Variants in PTPRK observed in about 807,000 individuals in gnomAD.
PTPRK encodes the protein receptor-type tyrosine-protein phosphatase kappa.
In PTPRK, 75 loss-of-function variants were observed where a neutral mutation model predicts 178.0. The observed-to-expected ratio is 0.42, with a 90% CI of 0.35 to 0.51. PTPRK has a LOEUF of 0.51. Ranked by LOEUF, PTPRK falls within the 20% of genes least tolerant of loss-of-function variation. The pLI is 0.02. For missense variants in PTPRK, 1,441 were observed against 1,797.8 expected, an observed-to-expected ratio of 0.80 and a Z score of 3.59; for synonymous variants, 637 against 620.6, an observed-to-expected ratio of 1.03 and a Z score of -0.39.
intron 7 of PTPRK, among the ~76,000 whole-genome samples, chr6:128,111,285 A>T (rs11965405): frequency 0.03 from 4,541 of 152,256 alleles, 225 homozygotes; most frequent in African/African-American, 0.1. Context: ...AGTTTGCCAA[A>T]AGTACTTTCC....
rs61756668 is a variant in PTPRK at position 128,083,813 on chromosome 6, C to T, written c.1477G>A (p.Val493Ile). 4.7e-3 allele frequency: 7,410 copies of T among 1,578,534 alleles called. 110 individuals carry two copies. Among genetic ancestry groups the T allele is most frequent in the South Asian group, 0.034 (2,897 of 85,704 alleles). Residue 493 changes from valine (V) to isoleucine (I), a missense_variant, in exon 9 of 30, where the codon GTA (valine) becomes ATA (isoleucine). Transcript: ENST00000368226. ...GTTCCTTGAAGAGATTTTACTGGTA[C>T]GGGACCAGGCACTACAAAACACATG... ...IQTDEDVPGP[V>I]PVKSLQGTSF...
intron 7 of PTPRK, among the ~76,000 whole-genome samples, chr6:128,160,024 A>G (rs1357348474): frequency 6.6e-6 from 1 of 151,704 alleles, no homozygotes; most frequent in Non-Finnish European, 1.5e-5. Context: ...TTATATCTTG[A>G]TATCTATATT....
chr6:128,014,398 T>A (rs1246388100), intron 13 of PTPRK, among the ~76,000 whole-genome samples: 1 of 151,616 alleles, frequency 6.6e-6, no homozygotes, highest in Non-Finnish European at 1.5e-5. Flanking sequence ...TGTTCTCTTA[T>A]CTGTTGTGTG....
rs147499921 is a variant in PTPRK, at chr6:127,976,935, G to A, written c.3831C>T (p.Val1277=). 825 of 1,613,866 alleles carry A rather than the reference G, an allele frequency of 5.1e-4. No individual in the cohort carries two copies. The highest frequency in any genetic ancestry group is 6.7e-4 in the Non-Finnish European group (791 of 1,179,996). The stretch of plus-strand genomic sequence containing the variant: ...CATAGCCATTAACCTGGGACAAGTC[G>A]ACTTCGTTTAACATCACAATGGAGG... The part of the protein sequence containing the change: ...GCTSIVMLNE[V]DLSQGCPQYW... Residue 1277 remains valine, a synonymous_variant, in exon 26 of 30, where the codon GTC becomes GTT. Transcript: ENST00000368226.
intron 8 of PTPRK, among the ~76,000 whole-genome samples, chr6:128,085,616 G>A (rs1043197652): frequency 3.9e-5 from 6 of 152,198 alleles, no homozygotes; most frequent in East Asian, 3.9e-4. Context: ...ATCGAACATC[G>A]TTCAATAATA....
intron 2 of PTPRK, among the ~76,000 whole-genome samples, chr6:128,385,308 C>A (rs1169813336): frequency 6.6e-6 from 1 of 151,976 alleles, no homozygotes; most frequent in Admixed American, 6.6e-5. Context: ...CAGGGATTCA[C>A]TTCCTTGCCT....
Position 128,191,692 on chromosome 6 carries a change from A to G in PTPRK, c.869-6967T>C, listed in dbSNP as rs182275940. On this transcript the variant is annotated intron_variant, in intron 6 of 29. Coordinates refer to ENST00000368226, the MANE Select transcript of PTPRK (RefSeq NM_002844.4). ...GTACAACTTAAATATATTCAATTTTATTTGTTAATCATAACTTAATAAATC... is the reference window on the plus strand; with the variant it reads ...GTACAACTTAAATATATTCAATTTTGTTTGTTAATCATAACTTAATAAATC... Among the ~76,000 whole-genome samples the G allele has an allele frequency of 2.5e-3, 384 of 151,978 alleles. 1 individual carries two copies. The highest frequency in any genetic ancestry group is 4.4e-3 in the Non-Finnish European group (298 of 68,006).
chr6:128,382,626 G>A (rs1324330733), intron 2 of PTPRK, among the ~76,000 whole-genome samples: 1 of 151,850 alleles, frequency 6.6e-6, no homozygotes, highest in East Asian at 1.9e-4. Context: ...TTTTAGTAGA[G>A]ACGGGGTTTT....
At chr6:128,396,800 C>A (rs1413932844) in intron 2 of PTPRK, among the ~76,000 whole-genome samples, 3 of 152,046 alleles carry the variant, frequency 2.0e-5, no homozygotes, top group African/African-American at 7.2e-5. Context: ...GAGTTCGAGA[C>A]CAGCCTGACC....
Position 128,384,563 on chromosome 6 carries a change from A to G in PTPRK, c.223+13003T>C, listed in dbSNP as rs532549235. ...TGGGTTGGACAAGCTTGATGTAAAT[A>G]AAACCACCAGTGGAAAGAGTTTGTT... is the stretch of plus-strand genomic sequence containing the variant. On this transcript the variant is annotated intron_variant, in intron 2 of 29. Coordinates refer to ENST00000368226, the MANE Select transcript of PTPRK (RefSeq NM_002844.4). Among the ~76,000 whole-genome samples the G allele has an allele frequency of 2.0e-5, 3 of 152,342 alleles. No individual in the cohort carries two copies. In the South Asian group the frequency reaches 6.2e-4, roughly 32 times the overall value.
At chr6:128,440,326 C>T (rs1052664917) in intron 1 of PTPRK, among the ~76,000 whole-genome samples, 9 of 152,146 alleles carry the variant, frequency 5.9e-5, no homozygotes, top group African/African-American at 1.9e-4. Context: ...GAGAGCTTGC[C>T]TCAGCTAAGG....
At chr6:128,194,957 A>C (rs1054610389) in intron 6 of PTPRK, among the ~76,000 whole-genome samples, 1 of 152,168 alleles carries the variant, frequency 6.6e-6, no homozygotes, top group African/African-American at 2.4e-5. Context: ...TTTAAAAAAA[A>C]CCTACTGCAA....
intron 13 of PTPRK, among the ~76,000 whole-genome samples, chr6:128,049,130 G>A (rs1425148940): frequency 6.6e-6 from 1 of 151,952 alleles, no homozygotes; most frequent in Non-Finnish European, 1.5e-5. Flanking sequence ...ACCTATATTA[G>A]AAATTTTTCC....
At chr6:128,130,233 A>G (rs1794007305) in intron 7 of PTPRK, among the ~76,000 whole-genome samples, 1 of 152,192 alleles carries the variant, frequency 6.6e-6, no homozygotes, top group South Asian at 2.1e-4. Flanking sequence ...ATTTCTTTAC[A>G]TAGCTAGAAT....
intron 7 of PTPRK, among the ~76,000 whole-genome samples, chr6:128,143,913 G>A (rs1796118326): frequency 6.6e-6 from 1 of 152,090 alleles, no homozygotes; most frequent in Non-Finnish European, 1.5e-5. Context: ...TAACTATAAT[G>A]ACTAGTTCAC....
rs564606198 is a variant in PTPRK at position 128,307,580 on chromosome 6, T to C, written c.495+14459A>G. Among the ~76,000 whole-genome samples the C allele has an allele frequency of 3.2e-3, 487 of 151,958 alleles. 5 individuals are homozygous for C. The highest frequency in any genetic ancestry group is 5.8e-3 in the Non-Finnish European group (396 of 67,956). On this transcript the variant is annotated intron_variant, in intron 3 of 29. Coordinates refer to ENST00000368226, the MANE Select transcript of PTPRK (RefSeq NM_002844.4). ...ACAAGCATGTATTATTGTCAAATGA[T>C]TACTATCTAGACCAGAAAAGAAGGC...
At chr6:128,180,740 A>C (rs1221701197) in intron 7 of PTPRK, among the ~76,000 whole-genome samples, 1 of 152,166 alleles carries the variant, frequency 6.6e-6, no homozygotes, top group Non-Finnish European at 1.5e-5. Flanking sequence ...CTTTCAATAA[A>C]TGTGAAGTTG....
At chr6:128,434,710 GAATA>G (rs1845281663) in intron 1 of PTPRK, among the ~76,000 whole-genome samples, 1 of 152,126 alleles carries the variant, frequency 6.6e-6, no homozygotes, top group South Asian at 2.1e-4. Context: ...GAATAAACTT[GAATA>G]AATAGAGCTA....
At chr6:128,040,039 G>T (rs570307500) in intron 13 of PTPRK, among the ~76,000 whole-genome samples, 1 of 152,128 alleles carries the variant, frequency 6.6e-6, no homozygotes, top group Non-Finnish European at 1.5e-5. Context: ...TGTTATCATC[G>T]CTAAGAAGTA....
Sources: gnomAD v4.1 joint callset for allele counts (sites outside exome capture counted in the v4.1 genomes callset) on GRCh38, gnomAD v4.1.1 for gene constraint, MANE v1.5 for transcripts, NCBI Gene and HGNC (gene_info 2026-07-23, HGNC 2026-07-21) for gene names.